Variants in PDXDC1 observed in about 807,000 individuals in gnomAD.
PDXDC1 encodes the protein pyridoxal-dependent decarboxylase domain-containing protein 1.
Under a neutral mutation model 100.1 loss-of-function variants are expected in PDXDC1, and 42 were observed. The ratio of observed to expected loss-of-function variants is 0.42; its 90% CI spans 0.33 to 0.54. The LOEUF is 0.54. Among genes scored for constraint, PDXDC1 ranks in the 20% least tolerant of loss-of-function variants. PDXDC1 has a pLI of 0.10. For missense variants in PDXDC1, 636 were observed against 979.2 expected (o/e 0.65, Z 4.68); for synonymous variants, 260 against 371.7 (o/e 0.70, Z 3.46).
chr16:15,008,820 C>CACTGTGTT lies in PDXDC1; in HGVS notation c.622_629dup (p.Phe210LeufsTer18), dbSNP rs1339447034. 1 of 1,613,806 alleles carries CACTGTGTT rather than the reference C, an allele frequency of 6.2e-7. No individual in the cohort carries two copies. Among genetic ancestry groups the CACTGTGTT allele is most frequent in the African/African-American group, 1.3e-5 (1 of 74,948 alleles). ...CCTGCTTGTGCCGTGTACCCTGTAA[C>CACTGTGTT]ACTGTGTTTGGATCCCAGCATCAGA... is the stretch of plus-strand genomic sequence containing the variant. On this transcript the variant is annotated frameshift_variant, in exon 7 of 23. Transcript: ENST00000396410. LOFTEE classifies it high-confidence loss of function.
At position 15,111,070 on chromosome 16, in the gene PDXDC1, G is replaced by A. The variant is rs190212221; in HGVS notation, c.1400-27809G>A. Among the ~76,000 whole-genome samples, 165 of 149,486 alleles carry A rather than the reference G, an allele frequency of 1.1e-3. 2 individuals carry two copies. The highest frequency in any genetic ancestry group is 4.0e-3 in the African/African-American group (163 of 41,222). On this transcript the variant is annotated intron_variant, in intron 16 of 16. Coordinates refer to the PDXDC1 transcript ENST00000535621. ...TTGAAGCTGGGAGGCGGAGGTTGCA[G>A]TGAGCGGAGATCACACCACTGCACT...
At chr16:14,984,469 G>GTA (rs1309841231) in intron 1 of PDXDC1, among the ~76,000 whole-genome samples, 12 of 124,568 alleles carry the variant, frequency 9.6e-5, no homozygotes, top group Non-Finnish European at 1.6e-5. Context: ...GTGTGTGTGT[G>GTA]TGTATACATA....
chr16:15,063,247 C>T, intron 16 of PDXDC1: 1 of 1,613,628 alleles, frequency 6.2e-7, no homozygotes. Flanking sequence ...TCATGTCTTC[C>T]CACACCTGAT....
At position 15,133,762 on chromosome 16, in the gene PDXDC1, C is replaced by T. The variant is rs577929548; in HGVS notation, c.1400-5117C>T. 17 of 1,591,792 alleles carry T rather than the reference C, an allele frequency of 1.1e-5. No homozygotes were observed. The African/African-American group carries it at 2.1e-4, about 20-fold the overall frequency. On this transcript the variant is annotated intron_variant, in intron 16 of 16. Coordinates refer to the PDXDC1 transcript ENST00000535621. ...CTCCGTGACGTCACAGTCGGGGGAT[C>T]CCGCTGCTCCCCCTAAGCAGGCCTG...
At chr16:15,065,409 C>G in intron 16 of PDXDC1, 1 of 1,593,150 alleles carries the variant, frequency 6.3e-7, no homozygotes, top group Non-Finnish European at 8.6e-7. Context: ...GAGGCATTAA[C>G]ATGCTGGAGT....
chr16:15,091,744 T>C (rs556129713), intron 16 of PDXDC1, among the ~76,000 whole-genome samples: 2 of 152,332 alleles, frequency 1.3e-5, no homozygotes, highest in African/African-American at 2.4e-5. Flanking sequence ...ATATTACATA[T>C]AAACATATGG....
intron 16 of PDXDC1, among the ~76,000 whole-genome samples, chr16:15,122,268 C>T (rs1411578088): frequency 6.8e-5 from 10 of 147,232 alleles, no homozygotes; most frequent in South Asian, 2.3e-4. Flanking sequence ...AAGAGTGCAG[C>T]GGGGCCATCT....
intron 16 of PDXDC1, among the ~76,000 whole-genome samples, chr16:15,081,343 C>G (rs1422071033): frequency 6.6e-6 from 1 of 152,228 alleles, no homozygotes; most frequent in Non-Finnish European, 1.5e-5. Context: ...CAACATATGA[C>G]AGTTCCAACT....
chr16:15,085,989 C>T (rs1395552613), intron 16 of PDXDC1: 5 of 666,920 alleles, frequency 7.5e-6, no homozygotes, highest in African/African-American at 5.5e-5. Context: ...GGGGTCATTA[C>T]GGGGAATATA....
At chr16:15,032,668 A>AAAAAAAG (rs57542228) in intron 17 of PDXDC1, 193 bp from the exon 18 acceptor site, 14 of 380,204 alleles carry the variant, frequency 3.7e-5, no homozygotes, top group South Asian at 1.4e-4. Context: ...AAAAAAAAAA[A>AAAAAAAG]AGGCTTTCCT....
intron 17 of PDXDC1, chr16:15,032,249 C>G: frequency 3.7e-6 from 1 of 273,238 alleles, no homozygotes; most frequent in East Asian, 6.8e-5. Flanking sequence ...ACCCAGCTCT[C>G]GGGGAGAGAA....
chr16:15,096,970 A>G (rs2046379682), intron 16 of PDXDC1, among the ~76,000 whole-genome samples: 2 of 152,204 alleles, frequency 1.3e-5, no homozygotes, highest in South Asian at 4.1e-4. Context: ...TTCCCTTAAA[A>G]AAAGTCTGAG....
chr16:14,997,277 C>T (rs181670710), intron 1 of PDXDC1, among the ~76,000 whole-genome samples: 2 of 152,404 alleles, frequency 1.3e-5, no homozygotes, highest in African/African-American at 4.8e-5. Context: ...TGGCTCACAC[C>T]TGCAATCCCA....
intron 16 of PDXDC1, among the ~76,000 whole-genome samples, chr16:15,053,258 C>T (rs916015984): frequency 2.0e-5 from 3 of 152,238 alleles, no homozygotes; most frequent in Non-Finnish European, 2.9e-5. Flanking sequence ...GGCCTGGGGC[C>T]AGTTTCCCAG....
intron 1 of PDXDC1, among the ~76,000 whole-genome samples, chr16:14,985,049 A>AT (rs1969010463): frequency 6.9e-6 from 1 of 145,776 alleles, no homozygotes; most frequent in South Asian, 2.3e-4. Context: ...TAGTTTTTGT[A>AT]TTTTTAGTAG....
intron 16 of PDXDC1, among the ~76,000 whole-genome samples, chr16:15,070,675 G>A (rs927176665): frequency 2.6e-5 from 4 of 152,096 alleles, no homozygotes; most frequent in Non-Finnish European, 4.4e-5. Context: ...TGTGGTTGGG[G>A]AAGGGTTTCA....
At chr16:15,017,812 T>C (rs1345106124) in intron 11 of PDXDC1, among the ~76,000 whole-genome samples, 1 of 151,804 alleles carries the variant, frequency 6.6e-6, no homozygotes, top group African/African-American at 2.4e-5. Context: ...TTTTTTTTGA[T>C]ATGGAGTCTC....
intron 16 of PDXDC1, among the ~76,000 whole-genome samples, chr16:15,109,462 G>T (rs1284455629): frequency 6.8e-6 from 1 of 147,806 alleles, no homozygotes; most frequent in Non-Finnish European, 1.5e-5. Flanking sequence ...TTCTAGACCA[G>T]CTTGGCCAAT....
intron 16 of PDXDC1, chr16:15,047,758 T>C (rs1347067378): frequency 9.0e-6 from 10 of 1,115,766 alleles, no homozygotes; most frequent in African/African-American, 3.1e-5. Context: ...CGGAGTCCGC[T>C]TCCAACAAGA....
Sources: gnomAD v4.1 joint callset for allele counts (sites outside exome capture counted in the v4.1 genomes callset) on GRCh38, gnomAD v4.1.1 for gene constraint, MANE v1.5 for transcripts, NCBI Gene and HGNC (gene_info 2026-07-23, HGNC 2026-07-21) for gene names.